Variants in HCRTR2 observed in about 807,000 individuals in gnomAD.
The protein encoded by HCRTR2 is hypocretin receptor 2.
A neutral mutation model predicts 49.0 loss-of-function variants in HCRTR2; 22 were observed. The ratio of observed to expected loss-of-function variants is 0.45; its 90% confidence interval spans 0.32 to 0.64. HCRTR2 has a LOEUF of 0.64. Ranked by LOEUF, HCRTR2 falls within the 30% of genes least tolerant of loss-of-function variation. The probability of loss-of-function intolerance (pLI) is 0.04; values close to 1 mark genes in which losing one functional copy is unlikely to be tolerated. For synonymous variants in HCRTR2, 236 were observed against 205.3 expected (o/e 1.15, Z -1.28); for missense variants, 491 against 559.4 (o/e 0.88, Z 1.23).
chr6:55,257,442 T>C (rs1318856656), intron 3 of HCRTR2, among the ~76,000 whole-genome samples: 1 of 152,090 alleles, frequency 6.6e-6, no homozygotes, highest in Non-Finnish European at 1.5e-5. Context: ...TATTTTTCAA[T>C]ATGTGTCAGC....
intron 1 of HCRTR2, among the ~76,000 whole-genome samples, chr6:55,185,917 A>G (rs1402881613): frequency 6.6e-6 from 1 of 152,160 alleles, no homozygotes; most frequent in Non-Finnish European, 1.5e-5. Flanking sequence ...AGTTTTCACA[A>G]TTTCTGATCC....
chr6:55,271,050 C>T (rs1766963758), intron 4 of HCRTR2, among the ~76,000 whole-genome samples: 1 of 152,048 alleles, frequency 6.6e-6, no homozygotes, highest in Non-Finnish European at 1.5e-5. Flanking sequence ...AATTGACAAA[C>T]TGATCCTAAT....
chr6:55,129,255 T>A (rs529766371), intron 1 of HCRTR2, among the ~76,000 whole-genome samples: 5 of 152,148 alleles, frequency 3.3e-5, no homozygotes, highest in Non-Finnish European at 5.9e-5. Context: ...AAATGTTGAC[T>A]AATCATATCC....
chr6:55,234,941 C>T (rs1289949736), intron 1 of HCRTR2, among the ~76,000 whole-genome samples: 2 of 152,024 alleles, frequency 1.3e-5, no homozygotes, highest in Non-Finnish European at 2.9e-5. Context: ...TAGAATGAAC[C>T]AAAATTTCCA....
chr6:55,154,615 G>A (rs1263126274), intron 1 of HCRTR2, among the ~76,000 whole-genome samples: 4 of 151,628 alleles, frequency 2.6e-5, no homozygotes, highest in Non-Finnish European at 5.9e-5. Context: ...AACAAAGCAA[G>A]GATGCCCATT....
intron 1 of HCRTR2, among the ~76,000 whole-genome samples, chr6:55,234,766 G>A (rs1267136650): frequency 1.3e-5 from 2 of 152,066 alleles, no homozygotes; most frequent in Non-Finnish European, 2.9e-5. Context: ...ACTGCACCAA[G>A]CACTTTAGAA....
chr6:55,263,514 A>G (rs1766806574), intron 3 of HCRTR2, among the ~76,000 whole-genome samples, 193 bp from the exon 4 acceptor site: 1 of 152,130 alleles, frequency 6.6e-6, no homozygotes, highest in Non-Finnish European at 1.5e-5. Context: ...CACATTTGGC[A>G]TGTGTATACC....
At chr6:55,260,044 G>T (rs1419355299) in intron 3 of HCRTR2, among the ~76,000 whole-genome samples, 1 of 151,996 alleles carries the variant, frequency 6.6e-6, no homozygotes, top group African/African-American at 2.4e-5. Context: ...ATAATAATTT[G>T]CATTTAGCAG....
At chr6:55,170,038 A>G (rs1764926335), upstream of HCRTR2, among the ~76,000 whole-genome samples, 1 of 53,992 alleles carries the variant, frequency 1.9e-5, no homozygotes, top group South Asian at 9.4e-4. Flanking sequence ...CAACCTACCT[A>G]TAACCACCAA....
chr6:55,181,931 C>G (rs1205572143), intron 1 of HCRTR2, among the ~76,000 whole-genome samples: 2 of 152,206 alleles, frequency 1.3e-5, no homozygotes, highest in Non-Finnish European at 2.9e-5. Context: ...TTTATTCTTA[C>G]AAGTCCTTAA....
At chr6:55,169,966 A>G (rs1049238846), upstream of HCRTR2, among the ~76,000 whole-genome samples, 2 of 152,114 alleles carry the variant, frequency 1.3e-5, no homozygotes, top group African/African-American at 2.4e-5. Context: ...TGCAAAAAAG[A>G]TGATCTCTCA....
rs190904900 is a variant in HCRTR2 at position 55,139,028 on chromosome 6, T to C, written c.-378+32483T>C. ...AGCCAAACAAAATTGGAAGTGTAAA[T>C]TGGGAACACAAATTTCATTTGTGTC... On this transcript the variant is annotated intron_variant, in intron 1 of 7. Coordinates refer to the HCRTR2 transcript ENST00000615358. Among the ~76,000 whole-genome samples the C allele has an allele frequency of 2.3e-3, 350 of 152,148 alleles. 2 individuals carry two copies. The highest frequency in any genetic ancestry group is 1.8e-3 in the Non-Finnish European group (122 of 68,002).
intron 1 of HCRTR2, among the ~76,000 whole-genome samples, chr6:55,230,617 A>C (rs1766095678): frequency 6.6e-6 from 1 of 152,210 alleles, no homozygotes; most frequent in Admixed American, 6.5e-5. Context: ...TCTTCCATTT[A>C]ATACTGATAA....
chr6:55,123,031 G>A (rs952303354), intron 1 of HCRTR2, among the ~76,000 whole-genome samples: 1 of 151,450 alleles, frequency 6.6e-6, no homozygotes, highest in Non-Finnish European at 1.5e-5. Context: ...AGGAGTTAAT[G>A]AGTGCAGCAC....
chr6:55,183,285 T>A (rs575913707), intron 1 of HCRTR2, among the ~76,000 whole-genome samples: 1 of 152,144 alleles, frequency 6.6e-6, no homozygotes, highest in Non-Finnish European at 1.5e-5. Context: ...TAAACTGAGT[T>A]TTAATAGATG....
intron 4 of HCRTR2, among the ~76,000 whole-genome samples, chr6:55,268,917 C>T (rs1192645588): frequency 2.6e-5 from 4 of 151,668 alleles, no homozygotes; most frequent in Non-Finnish European, 5.9e-5. Context: ...GGTGAAACCT[C>T]GTCTCTACTA....
chr6:55,148,551 T>G lies in HCRTR2; in HGVS notation c.-377-25660T>G, dbSNP rs564391854. 2.7e-4 allele frequency among the ~76,000 whole-genome samples: 41 copies of G among 152,270 alleles called. No homozygotes were observed. The East Asian group carries it at 6.8e-3, about 25-fold the overall frequency. On this transcript the variant is annotated intron_variant, in intron 1 of 7. Transcript: ENST00000615358. The stretch of plus-strand genomic sequence containing the variant: ...TTCAAACTTGAGTGTAAGAATTGTT[T>G]CAGAAGGAGTTGACTAGAGTAGCCT...
At chr6:55,131,886 A>G (rs1490509145) in intron 1 of HCRTR2, among the ~76,000 whole-genome samples, 2 of 151,836 alleles carry the variant, frequency 1.3e-5, no homozygotes, top group Non-Finnish European at 3.0e-5. Context: ...AGGAGCTAGT[A>G]AATGAACCTG....
chr6:55,284,363 A>G (rs1047058139), downstream of HCRTR2, among the ~76,000 whole-genome samples: 3 of 152,126 alleles, frequency 2.0e-5, no homozygotes, highest in Non-Finnish European at 4.4e-5. Flanking sequence ...CATCAGCATC[A>G]TCTGGGAACT....
Sources: gnomAD v4.1 joint callset for allele counts (sites outside exome capture counted in the v4.1 genomes callset) on GRCh38, gnomAD v4.1.1 for gene constraint, MANE v1.5 for transcripts, NCBI Gene and HGNC (gene_info 2026-07-23, HGNC 2026-07-21) for gene names.